The following WNT9A variants were observed in gnomAD, a reference collection of about 807,000 sequenced individuals.
The protein encoded by WNT9A is Wnt family member 9A, also known as protein Wnt-9a.
In WNT9A, 8 loss-of-function variants were observed where a neutral mutation model predicts 31.4. That is an observed-to-expected ratio of 0.26 (90% CI 0.15 to 0.46). The LOEUF is 0.46. Among genes scored for constraint, WNT9A ranks in the 20% least tolerant of loss-of-function variants. WNT9A has a pLI of 0.99. For missense variants in WNT9A, 457 were observed against 522.9 expected (o/e 0.87, Z 1.23); for synonymous variants, 236 against 220.1 (o/e 1.07, Z -0.64).
intron 1 of WNT9A, among the ~76,000 whole-genome samples, chr1:227,941,871 G>A (rs571381483): frequency 4.6e-5 from 7 of 152,192 alleles, no homozygotes; most frequent in East Asian, 1.9e-4. Flanking sequence ...AAGGGAGCCC[G>A]TGCCGCAGCT....
rs1025352259 is a variant in WNT9A at position 227,928,666 on chromosome 1, C to G, written c.96-3147G>C. Among the ~76,000 whole-genome samples, 1 of 152,122 alleles carries G rather than the reference C, an allele frequency of 6.6e-6. No homozygotes were observed. Among genetic ancestry groups the G allele is most frequent in the Non-Finnish European group, 1.5e-5 (1 of 68,022 alleles). ...AGGGCATGCTGGGGAACAGGATGGG[C>G]GATCTCAGAGCCTGGGCCCAGCAGA... On this transcript the variant is annotated intron_variant, in intron 1 of 3. Coordinates refer to ENST00000272164, the MANE Select transcript of WNT9A (RefSeq NM_003395.4). The surrounding 1 kb of genome is among the most constrained non-coding windows in gnomAD (Gnocchi z 4.5).
intron 1 of WNT9A, among the ~76,000 whole-genome samples, chr1:227,929,436 T>C (rs976192198): frequency 6.6e-6 from 1 of 152,258 alleles, no homozygotes; most frequent in Non-Finnish European, 1.5e-5. Flanking sequence ...TGAATGTTTG[T>C]GTCTTCCCCA....
chr1:227,945,425 C>T (rs1054765679), intron 1 of WNT9A, among the ~76,000 whole-genome samples: 5 of 152,262 alleles, frequency 3.3e-5, no homozygotes, highest in African/African-American at 1.2e-4. Context: ...TGGCCAGAGG[C>T]CTCTAGGAGG....
At chr1:227,941,843 C>T (rs1190507572) in intron 1 of WNT9A, among the ~76,000 whole-genome samples, 3 of 152,114 alleles carry the variant, frequency 2.0e-5, no homozygotes, top group African/African-American at 2.4e-5. Flanking sequence ...CTGACCCCGC[C>T]GCCCAGCACA....
At position 227,919,692 on chromosome 1, in the gene WNT9A, C is replaced by CAT; in HGVS notation, c.*1825_*1826insAT. ...CAAGCTGACCATGCCAGTATACACACACACACACACACACACACACACACA... is the reference window on the plus strand; with the variant it reads ...CAAGCTGACCATGCCAGTATACACACATACACACACACACACACACACACACA... On this transcript the variant is annotated 3_prime_UTR_variant, in exon 4 of 4. Transcript: ENST00000272164. 6.9e-5 allele frequency: 1 copy of CAT among 14,444 alleles called. No individual in the cohort carries two copies. The allele number at this position is 14,444 out of a possible 1,614,324, so 0.9% of individuals were successfully genotyped here.
chr1:227,929,866 A>G (rs1351794355), intron 1 of WNT9A, among the ~76,000 whole-genome samples: 6 of 152,192 alleles, frequency 3.9e-5, no homozygotes, highest in Non-Finnish European at 2.9e-5. Flanking sequence ...ATGTGAGGAC[A>G]TGGTGAGAAG....
rs1489934940 is a variant in WNT9A at position 227,921,863 on chromosome 1, G to C, written c.753C>G (p.Leu251=). ...KHLKHKYETA[L]KVGSTTNEAA... ...CTTCATTGGTGGTGCTGCCCACCTTGAGTGCCGTCTCATACTTGTGCTTCA... is the reference window on the plus strand; with the variant it reads ...CTTCATTGGTGGTGCTGCCCACCTTCAGTGCCGTCTCATACTTGTGCTTCA... The change falls in exon 4 of 4, where the codon CTC becomes CTG. Residue 251 remains leucine, a synonymous_variant. Transcript: ENST00000272164. 6.2e-7 allele frequency: 1 copy of C among 1,613,176 alleles called. No individual in the cohort carries two copies. The highest frequency in any genetic ancestry group is 1.7e-5 in the Admixed American group (1 of 60,022).
chr1:227,924,253 C>G lies in WNT9A; in HGVS notation c.500G>C (p.Gly167Ala). Residue 167 changes from glycine to alanine, a missense_variant, in exon 3 of 4, where the codon GGC (glycine) becomes GCC (alanine). Physicochemically the swap from Gly to Ala is moderately conservative, Grantham distance 60. Transcript: ENST00000272164. ...LENREAWQWGGCGDNLKYSSK... is the reference protein window; with the variant it reads ...LENREAWQWGACGDNLKYSSK... ...GCTGTACTTAAGGTTGTCTCCGCAG[C>G]CCCCCCACTGCCAGGCCTCACGGTT... 3 of 1,613,818 alleles carry G rather than the reference C, an allele frequency of 1.9e-6. No homozygotes were observed. Among genetic ancestry groups the G allele is most frequent in the Non-Finnish European group, 2.5e-6 (3 of 1,179,980 alleles).
At chr1:227,935,056 C>T (rs1666570080) in intron 1 of WNT9A, among the ~76,000 whole-genome samples, 1 of 150,514 alleles carries the variant, frequency 6.6e-6, no homozygotes, top group East Asian at 2.0e-4. Flanking sequence ...TGAGTCACAG[C>T]CCCAGTTCAC....
intron 1 of WNT9A, among the ~76,000 whole-genome samples, chr1:227,927,968 G>A (rs1207534558): frequency 6.6e-6 from 1 of 151,916 alleles, no homozygotes; most frequent in Admixed American, 6.6e-5. Context: ...AGGGGAGGAG[G>A]GTGAAGGGAA....
At chr1:227,923,889 CCT>C (rs1179164521) in intron 3 of WNT9A, among the ~76,000 whole-genome samples, 1 of 152,246 alleles carries the variant, frequency 6.6e-6, no homozygotes, top group East Asian at 1.9e-4. Context: ...ATGGGGTACC[CCT>C]CTAGAGAGAA....
At position 227,930,371 on chromosome 1, in the gene WNT9A, C is replaced by T. The variant is rs576029131; in HGVS notation, c.96-4852G>A. On this transcript the variant is annotated intron_variant, in intron 1 of 3. Transcript: ENST00000272164. ...CAAAGACCCAAAGATGGAGGAAGCACGTTCTTCCCCATACAGCTGTGAGTT... is the reference window on the plus strand; with the variant it reads ...CAAAGACCCAAAGATGGAGGAAGCATGTTCTTCCCCATACAGCTGTGAGTT... Among the ~76,000 whole-genome samples the T allele has an allele frequency of 1.1e-4, 16 of 152,298 alleles. No homozygotes were observed. The South Asian group carries it at 1.9e-3, about 18-fold the overall frequency.
intron 2 of WNT9A, 108 bp from the exon 3 acceptor site, chr1:227,924,508 A>C: frequency 6.9e-7 from 1 of 1,448,034 alleles, no homozygotes; most frequent in Non-Finnish European, 9.3e-7. Flanking sequence ...TGGGGCTCAG[A>C]GCATCTTTCC....
chr1:227,921,737 A>G lies in WNT9A; in HGVS notation c.879T>C (p.Asp293=). ...LPRTPELVHL[D]DSPSFCLAGR... ...CAGCCAGGCAGAAGCTAGGCGAGTC[A>G]TCCAGGTGCACCAGCTCTGGAGTGC... The change falls in exon 4 of 4, where the codon GAT becomes GAC. Residue 293 remains aspartate (D), a synonymous_variant. Coordinates refer to ENST00000272164, the MANE Select transcript of WNT9A (RefSeq NM_003395.4). The G allele has an allele frequency of 3.7e-6, 6 of 1,612,584 alleles. No individual in the cohort carries two copies. The highest frequency in any genetic ancestry group is 5.1e-6 in the Non-Finnish European group (6 of 1,179,782).
chr1:227,934,948 A>G (rs1020790517), intron 1 of WNT9A, among the ~76,000 whole-genome samples: 1 of 151,910 alleles, frequency 6.6e-6, no homozygotes, highest in Non-Finnish European at 1.5e-5. Context: ...CACTATAGAC[A>G]GCCTGAGTCA....
intron 1 of WNT9A, among the ~76,000 whole-genome samples, chr1:227,935,304 T>C (rs1010160655): frequency 1.3e-5 from 2 of 151,846 alleles, no homozygotes; most frequent in Non-Finnish European, 1.5e-5. Flanking sequence ...CATACAGAGC[T>C]TGAGTCACAG....
chr1:227,930,062 C>A (rs780991411), intron 1 of WNT9A, among the ~76,000 whole-genome samples: 4 of 152,226 alleles, frequency 2.6e-5, no homozygotes, highest in Admixed American at 1.3e-4. Context: ...ATAATCACAT[C>A]TTTCTGGAAG....
Position 227,921,568 on chromosome 1 carries a change from C to G in WNT9A, c.1048G>C (p.Glu350Gln). 1 of 1,613,450 alleles carries G rather than the reference C, an allele frequency of 6.2e-7. No homozygotes were observed. Among genetic ancestry groups the G allele is most frequent in the Non-Finnish European group, 8.5e-7 (1 of 1,179,960 alleles). Reference sequence around the variant, plus strand: ...TCACGCTGCGTGCACTGCCTGCACTCCACATAGCAGCACCAACGCACCTGG... The same window carrying G: ...TCACGCTGCGTGCACTGCCTGCACTGCACATAGCAGCACCAACGCACCTGG... ...QCQVRWCCYV[E>Q]CRQCTQREEV... is the part of the protein sequence containing the mutation. Residue 350 changes from glutamate to glutamine, a missense_variant, in exon 4 of 4, where the codon GAG becomes CAG. Glu to Gln is a conservative substitution (Grantham distance 29). Coordinates refer to ENST00000272164, the MANE Select transcript of WNT9A (RefSeq NM_003395.4).
chr1:227,929,659 C>A (rs591582), intron 1 of WNT9A, among the ~76,000 whole-genome samples: 79,828 of 152,134 alleles, frequency 0.52, 21,172 homozygotes, highest in African/African-American at 0.6. Flanking sequence ...CATAGTGAGA[C>A]CTGGTCTCTA....
Sources: allele counts gnomAD v4.1 joint callset (sites outside exome capture counted in the v4.1 genomes callset), GRCh38; gene constraint gnomAD v4.1.1; non-coding constraint Gnocchi (gnomAD v3.1); transcripts MANE v1.5; gene names NCBI Gene and HGNC (gene_info 2026-07-23, HGNC 2026-07-21).